The following PDS5B variants were observed in gnomAD, a reference collection of about 807,000 sequenced individuals.
The protein encoded by PDS5B is sister chromatid cohesion protein PDS5 homolog B.
PDS5B carries 51 observed loss-of-function variants against 184.1 expected under a neutral mutation model. The ratio of observed to expected loss-of-function variants is 0.28; its 90% CI spans 0.22 to 0.35. The LOEUF (loss-of-function observed/expected upper bound fraction) is 0.35. Among genes scored for constraint, PDS5B ranks in the 10% least tolerant of loss-of-function variants. The pLI, the probability that PDS5B is intolerant of heterozygous loss-of-function variation, is 1.00. For synonymous variants in PDS5B, 566 were observed against 569.2 expected (o/e 0.99, Z 0.08); for missense variants, 1,180 against 1,723.3 (o/e 0.68, Z 5.58).
chr13:32,590,709 G>A (rs1367104802), intron 1 of PDS5B, among the ~76,000 whole-genome samples: 2 of 152,146 alleles, frequency 1.3e-5, no homozygotes, highest in African/African-American at 4.8e-5. Flanking sequence ...AGTAATTGAA[G>A]ATATTTTAAA....
intron 1 of PDS5B, among the ~76,000 whole-genome samples, chr13:32,597,609 G>A (rs1241318140): frequency 1.3e-5 from 2 of 151,724 alleles, no homozygotes; most frequent in Non-Finnish European, 1.5e-5. Context: ...AGGGGGGGGC[G>A]GCAGGGGGTG....
At chr13:32,766,146 A>G (rs1380284982) in intron 31 of PDS5B, among the ~76,000 whole-genome samples, 4 of 152,214 alleles carry the variant, frequency 2.6e-5, no homozygotes, top group Admixed American at 2.0e-4. Context: ...CACGTTGAAA[A>G]TGCTTTAAGC....
At chr13:32,648,286 A>G (rs1226270310) in intron 1 of PDS5B, among the ~76,000 whole-genome samples, 2 of 152,014 alleles carry the variant, frequency 1.3e-5, no homozygotes, top group Non-Finnish European at 2.9e-5. Flanking sequence ...GTTCAGATTT[A>G]CTTCTGTTCC....
intron 1 of PDS5B, among the ~76,000 whole-genome samples, chr13:32,592,628 C>T (rs1020908565): frequency 2.0e-5 from 3 of 152,168 alleles, no homozygotes; most frequent in African/African-American, 4.8e-5. Flanking sequence ...TTTCGACTCT[C>T]CTAGCCTTCT....
At chr13:32,640,275 C>T (rs1280242589) in intron 1 of PDS5B, among the ~76,000 whole-genome samples, 2 of 152,090 alleles carry the variant, frequency 1.3e-5, no homozygotes. Context: ...GAGATGAAAT[C>T]TCGCTGTCTC....
chr13:32,738,464 C>G (rs924584070), intron 21 of PDS5B, among the ~76,000 whole-genome samples: 1 of 152,102 alleles, frequency 6.6e-6, no homozygotes, highest in Non-Finnish European at 1.5e-5. Context: ...TGTCTAGTCA[C>G]CATTCATGTT....
rs763552122 is a variant in PDS5B, at chr13:32,770,628, C to A, written c.4065-26C>A. On this transcript the variant is annotated intron_variant, in intron 32 of 34. Coordinates refer to ENST00000315596, the MANE Select transcript of PDS5B (RefSeq NM_015032.4). ...ATTATAAATCATAATTTGATGCTAT[C>A]CACATTTGGGTCTTCCCCAAAGCAG... 39 of 1,600,704 alleles carry A rather than the reference C, an allele frequency of 2.4e-5. No homozygotes were observed. In the East Asian group the frequency reaches 8.8e-4, roughly 36 times the overall value.
intron 3 of PDS5B, 30 bp downstream of exon 3, chr13:32,652,037 T>G (rs1413939256): frequency 7.2e-7 from 1 of 1,391,230 alleles, no homozygotes; most frequent in South Asian, 1.2e-5. Flanking sequence ...ACTCCAAGAT[T>G]GACCGATACT....
chr13:32,714,729 T>C (rs1030128410), intron 19 of PDS5B, among the ~76,000 whole-genome samples: 1 of 152,228 alleles, frequency 6.6e-6, no homozygotes. Context: ...ATCTCTCTTA[T>C]TCCCTGAACG....
rs1951052464 is a variant in PDS5B, at chr13:32,675,934, C to T, written c.937C>T (p.Pro313Ser). The change falls in exon 9 of 35, where the codon CCA becomes TCA. Residue 313 changes from proline to serine, a missense_variant. By Grantham distance (74) the Pro-to-Ser change is moderately conservative. Around this residue, in one of 11 missense-constraint regions of PDS5B, gnomAD observed 475 missense variants for 691.5 expected, o/e 0.69. Transcript: ENST00000315596. ...KDSELASQNKPLWQCYLGRFN... is the reference protein window; with the variant it reads ...KDSELASQNKSLWQCYLGRFN... ...TTCAGAATTGGCTTCTCAAAACAAG[C>T]CACTTTGGCAGTGCTACTTGGGCAG... The T allele has an allele frequency of 3.1e-6, 5 of 1,613,128 alleles. No individual in the cohort carries two copies. The highest frequency in any genetic ancestry group is 4.2e-6 in the Non-Finnish European group (5 of 1,179,198).
chr13:32,745,007 T>A (rs1953694410), intron 23 of PDS5B, among the ~76,000 whole-genome samples: 1 of 152,174 alleles, frequency 6.6e-6, no homozygotes, highest in Non-Finnish European at 1.5e-5. Context: ...TTGTTCAAGA[T>A]CCCCTTTATT....
In PDS5B at chr13:32,777,755, T is replaced by A. The variant is rs1954996708; in HGVS notation, c.*2703T>A. ...CAGTGATCTTCACTGTATATGTAAA[T>A]TACAAATGTGGCTGTAAAACTTATT... is the stretch of plus-strand genomic sequence containing the variant. On this transcript the variant is annotated 3_prime_UTR_variant, in exon 35 of 35. Coordinates refer to ENST00000315596, the MANE Select transcript of PDS5B (RefSeq NM_015032.4). The A allele has an allele frequency of 1.3e-5, 2 of 152,390 alleles. No individual in the cohort carries two copies. 9.4% of individuals were successfully genotyped at this position (152,390 alleles called of 1,614,324 possible).
chr13:32,753,138 A>C (rs1954046145), intron 24 of PDS5B, among the ~76,000 whole-genome samples, 194 bp from the exon 25 acceptor site: 1 of 152,138 alleles, frequency 6.6e-6, no homozygotes, highest in Non-Finnish European at 1.5e-5. Context: ...ACTGGTACTT[A>C]TTAGGGCCCA....
intron 1 of PDS5B, among the ~76,000 whole-genome samples, chr13:32,601,485 C>T (rs1478582201): frequency 6.6e-6 from 1 of 152,174 alleles, no homozygotes; most frequent in Non-Finnish European, 1.5e-5. Context: ...AAGGGATAGC[C>T]ATATTTCTAC....
intron 19 of PDS5B, among the ~76,000 whole-genome samples, chr13:32,725,795 C>T (rs1174264642): frequency 6.6e-6 from 1 of 152,130 alleles, no homozygotes; most frequent in Non-Finnish European, 1.5e-5. Flanking sequence ...ACATCCATAG[C>T]AGTCTCATGA....
chr13:32,706,279 A>T (rs929195193), intron 17 of PDS5B, among the ~76,000 whole-genome samples: 1 of 144,904 alleles, frequency 6.9e-6, no homozygotes, highest in East Asian at 2.0e-4. Context: ...CTTCGTCTCA[A>T]AAATAAATAA....
Position 32,702,055 on chromosome 13 carries a change from A to C in PDS5B, c.1856+617A>C, listed in dbSNP as rs1484690214. Among the ~76,000 whole-genome samples the C allele has an allele frequency of 2.0e-5, 3 of 152,190 alleles. No homozygotes were observed. The East Asian group carries it at 5.8e-4, about 29-fold the overall frequency. ...TAAAATGTTTTCCTCTGACTGAAAA[A>C]ATAAAGTACTTATACAATATATATA... On this transcript the variant is annotated intron_variant, in intron 17 of 34. Coordinates refer to ENST00000315596, the MANE Select transcript of PDS5B (RefSeq NM_015032.4).
chr13:32,711,912 C>T (rs909307008), intron 19 of PDS5B, among the ~76,000 whole-genome samples: 4 of 152,170 alleles, frequency 2.6e-5, no homozygotes, highest in East Asian at 1.9e-4. Context: ...CAGTGAAGTG[C>T]GGTTATTATC....
chr13:32,729,237 G>T (rs1274067022), intron 19 of PDS5B, among the ~76,000 whole-genome samples: 3 of 152,044 alleles, frequency 2.0e-5, no homozygotes, highest in African/African-American at 7.2e-5. Flanking sequence ...GAGAATGATG[G>T]TTTCCAGCTT....
Sources: allele counts gnomAD v4.1 joint callset (sites outside exome capture counted in the v4.1 genomes callset), GRCh38; gene constraint gnomAD v4.1.1; regional missense constraint gnomAD v4.1.1; transcripts MANE v1.5; gene names NCBI Gene and HGNC (gene_info 2026-07-23, HGNC 2026-07-21).